FTCDNL1: variants seen among roughly 807,000 people sequenced by gnomAD.
The protein encoded by FTCDNL1 is formiminotransferase N-terminal subdomain-containing protein.
Under a neutral mutation model 5.9 loss-of-function variants are expected in FTCDNL1, and 11 were observed. The ratio of observed to expected loss-of-function variants is 1.87; its 90% CI spans 1.18 to 3.10. The LOEUF (loss-of-function observed/expected upper bound fraction) is 3.10, where lower values mean the gene tolerates loss of function less well. Among genes scored for constraint, FTCDNL1 ranks in the 30% most tolerant of loss-of-function variants. The probability of loss-of-function intolerance (pLI) is 0.00; values close to 1 mark genes in which losing one functional copy is unlikely to be tolerated. For synonymous variants in FTCDNL1, 58 were observed against 24.8 expected, an observed-to-expected ratio of 2.34 and a Z score of -3.99; for missense variants, 115 against 65.5, an observed-to-expected ratio of 1.76 and a Z score of -2.61.
intron 3 of FTCDNL1, among the ~76,000 whole-genome samples, chr2:199,771,462 TA>T (rs569276608): frequency 3.9e-5 from 6 of 152,262 alleles, no homozygotes; most frequent in Admixed American, 3.9e-4. Context: ...TCTTGAACCA[TA>T]AAAAATAGTT....
intron 4 of FTCDNL1, among the ~76,000 whole-genome samples, chr2:199,814,308 C>T (rs1343902611): frequency 6.6e-6 from 1 of 152,150 alleles, no homozygotes; most frequent in African/African-American, 2.4e-5. Context: ...GCTGAATCCA[C>T]AGAAAAGAAA....
the FTCDNL1 span, among the ~76,000 whole-genome samples, chr2:199,690,959 TAATTTTCATC>T: frequency 6.6e-5 from 10 of 152,308 alleles, no homozygotes; most frequent in African/African-American, 2.4e-4. Context: ...TTTGAATAAC[TAATTTTCATC>T]AATCAGCTTA....
At chr2:199,744,851 G>T in the FTCDNL1 span, among the ~76,000 whole-genome samples, 1 of 152,160 alleles carries the variant, frequency 6.6e-6, no homozygotes, top group African/African-American at 2.4e-5. Flanking sequence ...TGATTTCCTA[G>T]AGCTAAGCCT....
the FTCDNL1 span, among the ~76,000 whole-genome samples, chr2:199,665,869 A>G: frequency 1.4e-5 from 2 of 138,146 alleles, no homozygotes; most frequent in South Asian, 5.1e-4. Context: ...CTGTTACCTC[A>G]TAACTAACTA....
At chr2:199,693,664 G>A in the FTCDNL1 span, among the ~76,000 whole-genome samples, 1 of 152,176 alleles carries the variant, frequency 6.6e-6, no homozygotes, top group Non-Finnish European at 1.5e-5. Flanking sequence ...TGACCTTACT[G>A]AACCTCAGTA....
At chr2:199,744,337 C>T in the FTCDNL1 span, among the ~76,000 whole-genome samples, 1 of 152,004 alleles carries the variant, frequency 6.6e-6, no homozygotes, top group Admixed American at 6.5e-5. Context: ...TAAATAAAGT[C>T]AGAAGAGTGG....
At chr2:199,681,312 C>T in the FTCDNL1 span, among the ~76,000 whole-genome samples, 4 of 151,982 alleles carry the variant, frequency 2.6e-5, no homozygotes, top group African/African-American at 4.8e-5. Flanking sequence ...AAAAATTACC[C>T]GGGTGTGGTG....
chr2:199,808,017 A>T (rs2106434582), downstream of FTCDNL1, among the ~76,000 whole-genome samples: 1 of 152,230 alleles, frequency 6.6e-6, no homozygotes, highest in South Asian at 2.1e-4. Context: ...TCTCCTCATG[A>T]CAGTGAGTGA....
At chr2:199,813,097 G>C (rs1027141068) in intron 4 of FTCDNL1, among the ~76,000 whole-genome samples, 4 of 152,156 alleles carry the variant, frequency 2.6e-5, no homozygotes, top group Non-Finnish European at 4.4e-5. Flanking sequence ...AAACACAAAT[G>C]CAATATTTGT....
chr2:199,759,931 C>T (rs986931045), downstream of FTCDNL1, among the ~76,000 whole-genome samples: 2 of 152,084 alleles, frequency 1.3e-5, no homozygotes, highest in Non-Finnish European at 2.9e-5. Context: ...ATGTGGACAG[C>T]TCGTAATTGT....
At chr2:199,838,341 T>G (rs1192025503) in intron 3 of FTCDNL1, among the ~76,000 whole-genome samples, 1 of 152,128 alleles carries the variant, frequency 6.6e-6, no homozygotes, top group East Asian at 1.9e-4. Context: ...TCCAAGATGA[T>G]TTAAAATCGC....
At chr2:199,752,734 C>CTGTGTG in the FTCDNL1 span, among the ~76,000 whole-genome samples, 1 of 84,190 alleles carries the variant, frequency 1.2e-5, no homozygotes, top group African/African-American at 3.7e-5. Flanking sequence ...TACTATCTCT[C>CTGTGTG]TCTCTCTGTG....
chr2:199,768,086 T>G (rs1698620495), intron 3 of FTCDNL1, among the ~76,000 whole-genome samples: 1 of 152,090 alleles, frequency 6.6e-6, no homozygotes, highest in Non-Finnish European at 1.5e-5. Context: ...CAGTGAAGAG[T>G]ATTGTGCCTC....
the FTCDNL1 span, among the ~76,000 whole-genome samples, chr2:199,687,670 C>T: frequency 6.6e-6 from 1 of 151,254 alleles, no homozygotes; most frequent in East Asian, 2.0e-4. Context: ...TTTTCAGTAA[C>T]CTTAACTCTG....
At chr2:199,737,123 A>G in the FTCDNL1 span, among the ~76,000 whole-genome samples, 10 of 152,216 alleles carry the variant, frequency 6.6e-5, no homozygotes, top group African/African-American at 1.2e-4. Context: ...TAAGAGCAAG[A>G]ACTCTGGAAA....
chr2:199,805,602 G>T (rs1700682505), downstream of FTCDNL1, among the ~76,000 whole-genome samples: 1 of 152,086 alleles, frequency 6.6e-6, no homozygotes, highest in East Asian at 1.9e-4. Context: ...AGCTGGGTGT[G>T]GCAGCGTGCG....
chr2:199,777,556 G>A (rs1029981702), intron 3 of FTCDNL1, among the ~76,000 whole-genome samples: 12 of 152,106 alleles, frequency 7.9e-5, no homozygotes, highest in East Asian at 1.9e-4. Context: ...AAAGTTGGCC[G>A]ATGTAAATAT....
At chr2:199,783,232 C>A (rs1250354284) in intron 3 of FTCDNL1, among the ~76,000 whole-genome samples, 1 of 152,212 alleles carries the variant, frequency 6.6e-6, no homozygotes, top group African/African-American at 2.4e-5. Flanking sequence ...ATACAATAAA[C>A]AAGTATTCTC....
chr2:199,787,046 C>T (rs1404307274), intron 3 of FTCDNL1, among the ~76,000 whole-genome samples: 1 of 152,208 alleles, frequency 6.6e-6, no homozygotes, highest in Non-Finnish European at 1.5e-5. Flanking sequence ...ATTCTTCTCA[C>T]ATTGCATCAC....
Sources: gnomAD v4.1 joint callset for allele counts (sites outside exome capture counted in the v4.1 genomes callset) on GRCh38, gnomAD v4.1.1 for gene constraint, MANE v1.5 for transcripts, NCBI Gene and HGNC (gene_info 2026-07-23, HGNC 2026-07-21) for gene names.